Variants in LARP1B observed in about 807,000 individuals in gnomAD.
LARP1B encodes La ribonucleoprotein 1B, also known as la-related protein 1B.
In LARP1B, 76 loss-of-function variants were observed where a neutral mutation model predicts 114.2. The ratio of observed to expected loss-of-function variants is 0.67; its 90% CI spans 0.55 to 0.81. LARP1B has a LOEUF of 0.81. Among genes scored for constraint, LARP1B ranks in the 30% least tolerant of loss-of-function variants. The pLI, the probability that LARP1B is intolerant of heterozygous loss-of-function variation, is 0.00. For missense variants in LARP1B, 1,014 were observed against 1,075.8 expected, an observed-to-expected ratio of 0.94 and a Z score of 0.80; for synonymous variants, 345 against 348.0, an observed-to-expected ratio of 0.99 and a Z score of 0.10.
downstream of LARP1B, among the ~76,000 whole-genome samples, chr4:128,212,965 C>CT (rs1759196589): frequency 8.3e-6 from 1 of 120,954 alleles, no homozygotes; most frequent in South Asian, 2.9e-4. Flanking sequence ...GTTGCCCGGG[C>CT]TGGAGTGCAA....
chr4:128,086,100 G>A (rs1773432537), intron 5 of LARP1B, among the ~76,000 whole-genome samples: 1 of 137,478 alleles, frequency 7.3e-6, no homozygotes, highest in Non-Finnish European at 1.5e-5. Flanking sequence ...TGCAAGTTCC[G>A]CCTCCCTGGT....
intron 5 of LARP1B, among the ~76,000 whole-genome samples, chr4:128,084,594 C>G (rs188634112): frequency 2.0e-5 from 3 of 150,714 alleles, no homozygotes; most frequent in Non-Finnish European, 2.9e-5. Flanking sequence ...AGCTTCGGCT[C>G]GGCATCAGAG....
Position 128,210,529 on chromosome 4 carries a change from A to G in LARP1B, c.*476A>G, listed in dbSNP as rs957993060. The stretch of plus-strand genomic sequence containing the variant: ...TGTCAATTCATATTTGAACTTACCA[A>G]AACAAAGGAGGATTACGTATATGTT... On this transcript the variant is annotated 3_prime_UTR_variant, in exon 20 of 20. Coordinates refer to ENST00000326639, the MANE Select transcript of LARP1B (RefSeq NM_018078.4). 11 of 979,532 alleles carry G rather than the reference A, an allele frequency of 1.1e-5. 1 individual carries two copies. The highest frequency in any genetic ancestry group is 5.3e-4 in the Middle Eastern group (1 of 1,896). 60.7% of individuals were successfully genotyped at this position (979,532 alleles called of 1,614,324 possible). A position where few individuals can be genotyped will look rare whatever the true frequency, so the allele number is the denominator to read the frequency against.
chr4:128,131,257 A>G (rs951147493), intron 11 of LARP1B, among the ~76,000 whole-genome samples: 2 of 152,190 alleles, frequency 1.3e-5, no homozygotes, highest in Non-Finnish European at 2.9e-5. Context: ...GGTCTATGGT[A>G]TACTCTGTAC....
chr4:128,081,425 G>A (rs1196175471), intron 4 of LARP1B, among the ~76,000 whole-genome samples: 2 of 117,872 alleles, frequency 1.7e-5, no homozygotes, highest in Admixed American at 2.1e-4. Flanking sequence ...ACTGTTAATT[G>A]TCATTGAAGT....
intron 5 of LARP1B, among the ~76,000 whole-genome samples, chr4:128,083,784 C>T (rs1260833624): frequency 4.7e-5 from 7 of 149,202 alleles, no homozygotes; most frequent in African/African-American, 1.5e-4. Flanking sequence ...GACGGGGCGG[C>T]TGGCCGGGCG....
chr4:128,112,466 ATTT>A (rs1174266918), intron 9 of LARP1B, among the ~76,000 whole-genome samples: 1 of 69,320 alleles, frequency 1.4e-5, no homozygotes, highest in African/African-American at 6.1e-5. Context: ...TGCTTACTCT[ATTT>A]TTTTTTTTTT....
chr4:128,141,358 T>G (rs1039358791), intron 11 of LARP1B, among the ~76,000 whole-genome samples: 1 of 152,158 alleles, frequency 6.6e-6, no homozygotes, highest in East Asian at 1.9e-4. Context: ...ACTATAAATG[T>G]TTAATTTGTA....
chr4:128,120,475 G>T (rs1787520707), intron 10 of LARP1B, among the ~76,000 whole-genome samples: 1 of 150,736 alleles, frequency 6.6e-6, no homozygotes, highest in South Asian at 2.1e-4. Context: ...TTGAGATGGG[G>T]TCTCGCTCTG....
chr4:128,132,104 C>A (rs1791737280), intron 11 of LARP1B, among the ~76,000 whole-genome samples: 1 of 152,110 alleles, frequency 6.6e-6, no homozygotes. Flanking sequence ...ATGTCATGTT[C>A]TTGTACATGA....
chr4:128,156,670 GC>G lies in LARP1B; in HGVS notation c.1525-5522del, dbSNP rs1362821404. Among the ~76,000 whole-genome samples the G allele has an allele frequency of 2.0e-5, 3 of 151,870 alleles. No homozygotes were observed. In the East Asian group the frequency reaches 5.8e-4, roughly 29 times the overall value. On this transcript the variant is annotated intron_variant, in intron 11 of 19. Coordinates refer to ENST00000326639, the MANE Select transcript of LARP1B (RefSeq NM_018078.4). ...GCAGGTGATTGGACCAGGCCATTCT[GC>G]CGCCCCCTCCTGAACCGCACAGCTT...
At chr4:128,118,206 A>G (rs1457939084) in intron 10 of LARP1B, among the ~76,000 whole-genome samples, 9 of 138,218 alleles carry the variant, frequency 6.5e-5, no homozygotes, top group Non-Finnish European at 1.1e-4. Context: ...GATTACAGGC[A>G]TGAGCCACCT....
At chr4:128,094,674 T>C (rs963377225) in intron 7 of LARP1B, among the ~76,000 whole-genome samples, 1 of 152,072 alleles carries the variant, frequency 6.6e-6, no homozygotes, top group African/African-American at 2.4e-5. Context: ...GTTATTGATT[T>C]AGGGAAGTTC....
intron 17 of LARP1B, 31 bp downstream of exon 17, chr4:128,200,696 G>A (rs1427954155): frequency 4.1e-6 from 6 of 1,451,486 alleles, no homozygotes; most frequent in African/African-American, 1.5e-5. Flanking sequence ...CTTCAAGGGA[G>A]TTTTATTATT....
At chr4:128,062,271 T>C in intron 1 of LARP1B, 1 of 985,332 alleles carries the variant, frequency 1.0e-6, no homozygotes, top group Non-Finnish European at 1.2e-6. Flanking sequence ...AGGGGCGACT[T>C]GCGGGACTTG....
intron 3 of LARP1B, among the ~76,000 whole-genome samples, chr4:128,077,269 C>T (rs1409756545): frequency 6.6e-6 from 1 of 151,372 alleles, no homozygotes; most frequent in Non-Finnish European, 1.5e-5. Flanking sequence ...AGGCTGAGGA[C>T]GGTGAATCAT....
intron 1 of LARP1B, among the ~76,000 whole-genome samples, chr4:128,069,963 A>G (rs1764574509): frequency 6.6e-6 from 1 of 152,178 alleles, no homozygotes; most frequent in African/African-American, 2.4e-5. Context: ...AGTAAGTTAT[A>G]TAGAAAAAAT....
chr4:128,101,216 G>A (rs1780214564), intron 8 of LARP1B, among the ~76,000 whole-genome samples: 1 of 150,078 alleles, frequency 6.7e-6, no homozygotes. Flanking sequence ...GCTCATGCCT[G>A]TAATCCCAGC....
chr4:128,183,261 G>A lies in LARP1B; in HGVS notation c.2003+3749G>A, dbSNP rs1749186183. Among the ~76,000 whole-genome samples the A allele has an allele frequency of 2.0e-5, 3 of 152,210 alleles. 1 individual carries two copies. In the South Asian group the frequency reaches 6.2e-4, roughly 32 times the overall value. The stretch of plus-strand genomic sequence containing the variant: ...AGCCATCTAGGACTTTCATAGTTAG[G>A]AAGGAGCAGTCAATGTTTGGCTTCA... On this transcript the variant is annotated intron_variant, in intron 15 of 19. Coordinates refer to ENST00000326639, the MANE Select transcript of LARP1B (RefSeq NM_018078.4).
Sources: gnomAD v4.1 joint callset for allele counts (sites outside exome capture counted in the v4.1 genomes callset) on GRCh38, gnomAD v4.1.1 for gene constraint, MANE v1.5 for transcripts, NCBI Gene and HGNC (gene_info 2026-07-23, HGNC 2026-07-21) for gene names.